ASIC2: variants seen among roughly 807,000 people sequenced by gnomAD.
ASIC2 encodes acid sensing ion channel subunit 2, also known as acid-sensing ion channel 2.
ASIC2 carries 25 observed loss-of-function variants against 57.3 expected under a neutral mutation model. The ratio of observed to expected loss-of-function variants is 0.44; its 90% CI spans 0.32 to 0.61. ASIC2 has a LOEUF of 0.61. ASIC2 is among the 20% of genes least tolerant of loss of function. ASIC2 has a pLI of 0.06. For synonymous variants in ASIC2, 319 were observed against 307.5 expected (o/e 1.04, Z -0.39); for missense variants, 641 against 738.1 (o/e 0.87, Z 1.52).
intron 1 of ASIC2, among the ~76,000 whole-genome samples, chr17:33,872,549 G>C (rs1301342908): frequency 1.3e-5 from 2 of 152,144 alleles, no homozygotes; most frequent in Non-Finnish European, 2.9e-5. Flanking sequence ...AGCTAGACCT[G>C]AGCAGCAGGG....
At chr17:33,874,948 G>T (rs936426276) in intron 1 of ASIC2, among the ~76,000 whole-genome samples, 3 of 152,112 alleles carry the variant, frequency 2.0e-5, no homozygotes, top group African/African-American at 7.2e-5. Flanking sequence ...AAAATTAACT[G>T]CCCTCCCCCA....
intron 2 of ASIC2, among the ~76,000 whole-genome samples, chr17:33,099,441 C>T (rs1208034642): frequency 6.6e-6 from 1 of 152,110 alleles, no homozygotes; most frequent in Admixed American, 6.5e-5. Flanking sequence ...TGGGGTGATG[C>T]GTCCATGTTG....
intron 1 of ASIC2, among the ~76,000 whole-genome samples, chr17:33,721,523 C>A (rs978142945): frequency 3.9e-5 from 6 of 152,182 alleles, no homozygotes; most frequent in African/African-American, 1.4e-4. Flanking sequence ...GCTCCTCTGC[C>A]AACCTGGGTC....
At chr17:34,044,991 G>C (rs532398589) in intron 1 of ASIC2, among the ~76,000 whole-genome samples, 1 of 152,142 alleles carries the variant, frequency 6.6e-6, no homozygotes, top group South Asian at 2.1e-4. Flanking sequence ...GCTCACAGTC[G>C]AACACAGGAA....
At chr17:33,249,504 G>A (rs114647662) in intron 1 of ASIC2, among the ~76,000 whole-genome samples, 2 of 152,200 alleles carry the variant, frequency 1.3e-5, no homozygotes, top group African/African-American at 4.8e-5. Context: ...TAGGAGGTTG[G>A]GGAGAAGAGG....
At chr17:33,453,164 T>C (rs1912324066) in intron 1 of ASIC2, among the ~76,000 whole-genome samples, 1 of 151,906 alleles carries the variant, frequency 6.6e-6, no homozygotes, top group Admixed American at 6.6e-5. Context: ...GTTTGTGGGG[T>C]CTGAGATTAT....
intron 1 of ASIC2, among the ~76,000 whole-genome samples, chr17:34,046,832 G>C (rs1169051775): frequency 6.6e-6 from 1 of 152,082 alleles, no homozygotes; most frequent in East Asian, 1.9e-4. Flanking sequence ...TTCAGGCCTG[G>C]GGGGTAGGCT....
chr17:34,141,910 C>G (rs928820124), intron 1 of ASIC2, among the ~76,000 whole-genome samples: 17 of 152,280 alleles, frequency 1.1e-4, no homozygotes, highest in Middle Eastern at 3.4e-3. Flanking sequence ...TTAATCTCAG[C>G]CCATTGTGGC....
chr17:33,876,960 C>T (rs1203982643), intron 1 of ASIC2, among the ~76,000 whole-genome samples: 6 of 152,202 alleles, frequency 3.9e-5, no homozygotes, highest in Non-Finnish European at 8.8e-5. Flanking sequence ...TCTGTTATTT[C>T]TAAGCTCACA....
rs1418258722 is a variant in ASIC2, at chr17:33,292,402, G to C, written c.-287C>G. On this transcript the variant is annotated 5_prime_UTR_variant, in exon 1 of 10. Transcript: ENST00000225823. ...TTTCCCGGCCCCTGGTCTTCCTGGA[G>C]GATGCCCGGCGCCCGGCACTACTTC... 3 of 985,334 alleles carry C rather than the reference G, an allele frequency of 3.0e-6. No homozygotes were observed. Among genetic ancestry groups the C allele is most frequent in the Non-Finnish European group, 3.6e-6 (3 of 830,210 alleles). The allele number at this position is 985,334 out of a possible 1,614,324, so 61.0% of individuals were successfully genotyped here.
chr17:33,880,952 C>T (rs1914683561), intron 1 of ASIC2, among the ~76,000 whole-genome samples: 1 of 152,222 alleles, frequency 6.6e-6, no homozygotes, highest in South Asian at 2.1e-4. Context: ...AAGGCTGGTT[C>T]AACATATGCA....
intron 1 of ASIC2, among the ~76,000 whole-genome samples, chr17:33,734,080 A>T (rs141320565): frequency 3.9e-5 from 6 of 152,270 alleles, no homozygotes; most frequent in African/African-American, 1.2e-4. Flanking sequence ...AGCAATCAGA[A>T]GAAAAATATG....
intron 1 of ASIC2, among the ~76,000 whole-genome samples, chr17:33,920,814 G>T (rs1274863279): frequency 6.6e-6 from 1 of 152,132 alleles, no homozygotes; most frequent in African/African-American, 2.4e-5. Flanking sequence ...GCCACTCAGG[G>T]CTGTCCAGGG....
intron 1 of ASIC2, among the ~76,000 whole-genome samples, chr17:33,431,373 G>A (rs759344481): frequency 2.0e-5 from 3 of 152,222 alleles, no homozygotes; most frequent in African/African-American, 7.2e-5. Flanking sequence ...TTGAGAGGTC[G>A]AGGCGGGCAG....
At chr17:33,555,109 C>T (rs762620469) in intron 1 of ASIC2, among the ~76,000 whole-genome samples, 20 of 152,088 alleles carry the variant, frequency 1.3e-4, no homozygotes, top group Non-Finnish European at 2.4e-4. Context: ...ATGTCTCTTC[C>T]GGGTTTCACA....
At chr17:33,063,451 G>A (rs542126993) in intron 3 of ASIC2, among the ~76,000 whole-genome samples, 52 of 152,284 alleles carry the variant, frequency 3.4e-4, no homozygotes, top group Non-Finnish European at 5.4e-4. Flanking sequence ...GAAATTATGG[G>A]TTGAAAATTC....
intron 1 of ASIC2, among the ~76,000 whole-genome samples, chr17:33,639,818 C>T (rs1327132927): frequency 6.7e-6 from 1 of 149,926 alleles, no homozygotes; most frequent in African/African-American, 2.4e-5. Context: ...ATAGAGCCAG[C>T]GGCCAGTATT....
intron 2 of ASIC2, among the ~76,000 whole-genome samples, chr17:33,094,602 A>T (rs1221743792): frequency 1.3e-5 from 2 of 152,176 alleles, no homozygotes; most frequent in Non-Finnish European, 2.9e-5. Context: ...AGACAGCAGG[A>T]GTCCCCTCTG....
At chr17:34,144,569 T>C (rs1912365683) in intron 1 of ASIC2, among the ~76,000 whole-genome samples, 2 of 152,222 alleles carry the variant, frequency 1.3e-5, no homozygotes, top group African/African-American at 4.8e-5. Context: ...GGGATAACTT[T>C]TAAAGTTTTA....
Sources: gnomAD v4.1 joint callset for allele counts (sites outside exome capture counted in the v4.1 genomes callset) on GRCh38, gnomAD v4.1.1 for gene constraint, MANE v1.5 for transcripts, NCBI Gene and HGNC (gene_info 2026-07-23, HGNC 2026-07-21) for gene names.